The following LUZP2 variants were observed in gnomAD, a reference collection of about 807,000 sequenced individuals.
The protein encoded by LUZP2 is leucine zipper protein 2.
LUZP2 carries 52 observed loss-of-function variants against 51.6 expected under a neutral mutation model. The observed-to-expected ratio is 1.01, with a 90% CI of 0.81 to 1.27. The LOEUF is 1.27. Among genes scored for constraint, LUZP2 ranks in the 50% most tolerant of loss-of-function variants. LUZP2 has a pLI of 0.00. For synonymous variants in LUZP2, 154 were observed against 137.3 expected (o/e 1.12, Z -0.85); for missense variants, 436 against 395.4 (o/e 1.10, Z -0.87).
intron 9 of LUZP2, among the ~76,000 whole-genome samples, chr11:25,003,381 A>C (rs1433605290): frequency 6.6e-6 from 1 of 152,160 alleles, no homozygotes; most frequent in Non-Finnish European, 1.5e-5. Flanking sequence ...GCAGGCGAAT[A>C]CAGAAGAAGG....
At chr11:24,504,267 A>G (rs1850086061) in intron 1 of LUZP2, among the ~76,000 whole-genome samples, 1 of 152,190 alleles carries the variant, frequency 6.6e-6, no homozygotes, top group Non-Finnish European at 1.5e-5. Flanking sequence ...CAGCATGCTA[A>G]CTATCTTGCA....
At chr11:25,044,257 GTATATATA>G (rs1235208041) in intron 9 of LUZP2, among the ~76,000 whole-genome samples, 42 of 60,774 alleles carry the variant, frequency 6.9e-4, no homozygotes, top group African/African-American at 2.0e-3. Context: ...GTGTGTGTGT[GTATATATA>G]TATATATATA....
intron 5 of LUZP2, among the ~76,000 whole-genome samples, chr11:24,855,842 T>C (rs1409845052): frequency 3.9e-5 from 6 of 152,108 alleles, no homozygotes; most frequent in African/African-American, 1.4e-4. Flanking sequence ...CAAAGTCAAT[T>C]AGAGCATACA....
intron 9 of LUZP2, among the ~76,000 whole-genome samples, chr11:25,044,392 G>C (rs1163130576): frequency 6.6e-6 from 1 of 150,576 alleles, no homozygotes; most frequent in East Asian, 2.0e-4. Context: ...TATCATTCTG[G>C]TGTTAATTAA....
At chr11:24,746,384 A>G (rs557949648) in intron 4 of LUZP2, among the ~76,000 whole-genome samples, 1 of 152,284 alleles carries the variant, frequency 6.6e-6, no homozygotes, top group African/African-American at 2.4e-5. Flanking sequence ...TAGGGCCCCA[A>G]TCCTTCTAGC....
intron 1 of LUZP2, among the ~76,000 whole-genome samples, chr11:24,683,315 G>C (rs559997058): frequency 6.6e-6 from 1 of 152,170 alleles, no homozygotes; most frequent in Non-Finnish European, 1.5e-5. Flanking sequence ...TTAATGACAC[G>C]ATTCTTGTCA....
intron 5 of LUZP2, among the ~76,000 whole-genome samples, chr11:24,844,775 G>A (rs1255408309): frequency 2.0e-5 from 3 of 152,098 alleles, no homozygotes; most frequent in Admixed American, 6.5e-5. Flanking sequence ...CATAGAACTC[G>A]GGCCATGGCT....
At chr11:24,749,856 C>A (rs1859511959) in intron 4 of LUZP2, among the ~76,000 whole-genome samples, 1 of 152,148 alleles carries the variant, frequency 6.6e-6, no homozygotes, top group Non-Finnish European at 1.5e-5. Flanking sequence ...CTGTCAGCTT[C>A]CCAGCTTTTG....
intron 9 of LUZP2, among the ~76,000 whole-genome samples, chr11:25,004,681 T>G (rs2133948336): frequency 6.6e-6 from 1 of 152,270 alleles, no homozygotes; most frequent in Admixed American, 6.5e-5. Flanking sequence ...TGAATTATGG[T>G]GGACATCATT....
intron 5 of LUZP2, among the ~76,000 whole-genome samples, chr11:24,849,049 C>T (rs1851298713): frequency 6.6e-6 from 1 of 152,012 alleles, no homozygotes; most frequent in Non-Finnish European, 1.5e-5. Flanking sequence ...CAATTCTCAC[C>T]ACACTTTTTT....
chr11:24,627,946 T>A (rs1334545142), intron 1 of LUZP2, among the ~76,000 whole-genome samples: 1 of 152,166 alleles, frequency 6.6e-6, no homozygotes, highest in Non-Finnish European at 1.5e-5. Context: ...ATATTTTAAA[T>A]AGGCTAATCA....
In LUZP2 at chr11:24,586,411, C is replaced by T. The variant is rs1268459331; in HGVS notation, c.62+89106C>T. 3.3e-5 allele frequency among the ~76,000 whole-genome samples: 5 copies of T among 151,800 alleles called. No homozygotes were observed. The East Asian group carries it at 9.7e-4, about 29-fold the overall frequency. ...ACATATTTTCTTTCTACTAAGACAC[C>T]TGAAGAGTTTAATTTTCTAAATAAA... On this transcript the variant is annotated intron_variant, in intron 1 of 11. Coordinates refer to ENST00000336930, the MANE Select transcript of LUZP2 (RefSeq NM_001009909.4).
intron 1 of LUZP2, among the ~76,000 whole-genome samples, chr11:24,600,910 G>A (rs1035917108): frequency 6.6e-6 from 1 of 152,056 alleles, no homozygotes; most frequent in Non-Finnish European, 1.5e-5. Flanking sequence ...TTTCACCATG[G>A]TGTTACTCAT....
intron 5 of LUZP2, among the ~76,000 whole-genome samples, chr11:24,902,375 C>A (rs532715128): frequency 7.2e-5 from 11 of 152,152 alleles, no homozygotes; most frequent in Admixed American, 2.6e-4. Context: ...CCATGAAGCA[C>A]AATATTCTAA....
chr11:24,566,596 A>ATATATATATGTATGTATG, intron 1 of LUZP2, among the ~76,000 whole-genome samples: 1 of 130,872 alleles, frequency 7.6e-6, no homozygotes, highest in Non-Finnish European at 1.6e-5. Flanking sequence ...GTATGTGTGT[A>ATATATATATGTATGTATG]TATATATATG....
rs771430831 is a variant in LUZP2, at chr11:24,729,243, C to A, written c.137C>A (p.Thr46Lys). 9.5e-6 allele frequency: 15 copies of A among 1,575,320 alleles called. No individual in the cohort carries two copies. The East Asian group carries it at 3.2e-4, about 34-fold the overall frequency. Residue 46 changes from threonine (T) to lysine (K), a missense_variant, in exon 2 of 12, where the codon ACA (threonine) becomes AAA (lysine). Physicochemically the swap from Thr to Lys is moderately conservative, Grantham distance 78. Coordinates refer to ENST00000336930, the MANE Select transcript of LUZP2 (RefSeq NM_001009909.4). ...CGAAGCACCATTCTTCGTCAGCTGACAAAGACATCAAGAGAACTTGATGGA... is the reference window on the plus strand; with the variant it reads ...CGAAGCACCATTCTTCGTCAGCTGAAAAAGACATCAAGAGAACTTGATGGA... ...KERSTILRQL[T>K]KTSRELDGIK... is the part of the protein sequence containing the mutation.
At chr11:25,049,456 T>G (rs1005461179) in intron 9 of LUZP2, among the ~76,000 whole-genome samples, 4 of 152,152 alleles carry the variant, frequency 2.6e-5, no homozygotes, top group African/African-American at 9.7e-5. Context: ...TTCTTTTCTT[T>G]TCTTTTCTTT....
chr11:25,027,499 A>C (rs576829053), intron 9 of LUZP2, among the ~76,000 whole-genome samples: 1 of 152,222 alleles, frequency 6.6e-6, no homozygotes, highest in South Asian at 2.1e-4. Context: ...TAAAATTTTA[A>C]CTGAATCATC....
At chr11:24,825,347 C>G (rs922584244) in intron 5 of LUZP2, among the ~76,000 whole-genome samples, 1 of 152,102 alleles carries the variant, frequency 6.6e-6, no homozygotes, top group Admixed American at 6.6e-5. Flanking sequence ...GGTATCAACT[C>G]TCTCAAATTG....
Sources: gnomAD v4.1 joint callset for allele counts (sites outside exome capture counted in the v4.1 genomes callset) on GRCh38, gnomAD v4.1.1 for gene constraint, MANE v1.5 for transcripts, NCBI Gene and HGNC (gene_info 2026-07-23, HGNC 2026-07-21) for gene names.